The following NCAM2 variants were observed in gnomAD, a reference collection of about 807,000 sequenced individuals.
NCAM2 encodes the protein N-CAM-2.
A neutral mutation model predicts 98.1 loss-of-function variants in NCAM2; 30 were observed. That is an observed-to-expected ratio of 0.31 (90% CI 0.23 to 0.41). NCAM2 has a LOEUF of 0.41. Ranked by LOEUF, NCAM2 falls within the 10% of genes least tolerant of loss-of-function variation. The pLI is 1.00. For synonymous variants in NCAM2, 368 were observed against 342.4 expected (o/e 1.07, Z -0.83); for missense variants, 867 against 1,005.8 (o/e 0.86, Z 1.87).
intron 11 of NCAM2, among the ~76,000 whole-genome samples, chr21:21,423,362 T>C (rs1343933236): frequency 6.6e-6 from 1 of 152,190 alleles, no homozygotes; most frequent in African/African-American, 2.4e-5. Flanking sequence ...ACCCAGCACA[T>C]GACAAGTACT....
At chr21:21,323,126 G>A (rs963786068) in intron 5 of NCAM2, among the ~76,000 whole-genome samples, 4 of 152,026 alleles carry the variant, frequency 2.6e-5, no homozygotes, top group African/African-American at 9.7e-5. Context: ...ATAATGATAG[G>A]TAAAACATGC....
At chr21:21,330,136 TCTC>T (rs780652845) in intron 6 of NCAM2, among the ~76,000 whole-genome samples, 26 of 152,092 alleles carry the variant, frequency 1.7e-4, no homozygotes, top group Admixed American at 6.6e-5. Flanking sequence ...TGTTTCCTAT[TCTC>T]CATTTCATTA....
intron 1 of NCAM2, among the ~76,000 whole-genome samples, chr21:21,204,023 C>T (rs2069341426): frequency 6.6e-6 from 1 of 152,138 alleles, no homozygotes; most frequent in South Asian, 2.1e-4. Flanking sequence ...CCGTAGTTAA[C>T]ACTGGAAGTT....
chr21:21,209,278 C>A (rs184032123), intron 1 of NCAM2, among the ~76,000 whole-genome samples: 3 of 152,108 alleles, frequency 2.0e-5, no homozygotes, highest in Non-Finnish European at 4.4e-5. Flanking sequence ...TGCAGTGGCA[C>A]GATCACAGCT....
chr21:21,508,738 T>C, intron 15 of NCAM2, 113 bp from the exon 16 acceptor site: 1 of 836,328 alleles, frequency 1.2e-6, no homozygotes, highest in African/African-American at 1.7e-5. Context: ...TAAATTGAAT[T>C]ATTGGAAAAG....
Position 21,263,499 on chromosome 21 carries a change from T to A in NCAM2, c.56-17079T>A, listed in dbSNP as rs1453322190. ...AATTACCACCCAATTGTTCAAAAAA[T>A]TTTTTAAAAATCTAAAATTCATAAT... is the stretch of plus-strand genomic sequence containing the variant. On this transcript the variant is annotated intron_variant, in intron 1 of 17. Coordinates refer to ENST00000400546, the MANE Select transcript of NCAM2 (RefSeq NM_004540.5). 4.0e-5 allele frequency among the ~76,000 whole-genome samples: 6 copies of A among 151,884 alleles called. No individual in the cohort carries two copies. In the East Asian group the frequency reaches 5.8e-4, roughly 15 times the overall value.
rs780975783 is a variant in NCAM2, at chr21:21,418,457, A to G, written c.1384-16A>G. ...ATGTTTTAGAATTGTAACATTTGTT[A>G]TTATAATTATTTCAGATTGCACCTA... On this transcript the variant is annotated splice_polypyrimidine_tract_variant and intron_variant, in intron 10 of 17. Coordinates refer to ENST00000400546, the MANE Select transcript of NCAM2 (RefSeq NM_004540.5). The G allele has an allele frequency of 3.3e-5, 52 of 1,559,100 alleles. No individual in the cohort carries two copies. Among genetic ancestry groups the G allele is most frequent in the Non-Finnish European group, 4.4e-5 (50 of 1,131,400 alleles).
chr21:21,513,618 G>A (rs762486682), intron 16 of NCAM2, among the ~76,000 whole-genome samples: 4 of 152,038 alleles, frequency 2.6e-5, no homozygotes, highest in African/African-American at 7.2e-5. Flanking sequence ...CCTAACATAC[G>A]ATCTATTCTT....
chr21:21,337,773 ATTG>A (rs2074913865), intron 7 of NCAM2, among the ~76,000 whole-genome samples: 2 of 152,060 alleles, frequency 1.3e-5, no homozygotes, highest in South Asian at 4.2e-4. Context: ...TGTCTAGTAT[ATTG>A]TTAAGTAAAC....
At position 20,998,496 on chromosome 21, in the gene NCAM2, C is replaced by T; in HGVS notation, c.-68C>T. On this transcript the variant is annotated 5_prime_UTR_variant, in exon 1 of 18. Transcript: ENST00000400546. ...GCTCTAGCAGAGGCGGCCGGGGCAG[C>T]GAAAGGTTCTCTCTCCAGGGCTGGA... The T allele has an allele frequency of 1.3e-6, 2 of 1,523,990 alleles. No homozygotes were observed. The highest frequency in any genetic ancestry group is 4.7e-5 in the East Asian group (2 of 42,838). 94.4% of individuals were successfully genotyped at this position (1,523,990 alleles called of 1,614,324 possible). A position where few individuals can be genotyped will look rare whatever the true frequency, so the allele number is the denominator to read the frequency against.
At chr21:21,217,918 G>A (rs1438263013) in intron 1 of NCAM2, among the ~76,000 whole-genome samples, 1 of 152,158 alleles carries the variant, frequency 6.6e-6, no homozygotes, top group African/African-American at 2.4e-5. Context: ...AAAGCTGGTA[G>A]GAAAATGGAA....
rs201880891 is a variant in NCAM2, at chr21:21,248,239, T to TA, written c.56-32330dup. ...TGCTTAATTCTTCTCAGAGCTTATT[T>TA]AAAAAAAAACATACAGTTATATAAA... On this transcript the variant is annotated intron_variant, in intron 1 of 17. Coordinates refer to ENST00000400546, the MANE Select transcript of NCAM2 (RefSeq NM_004540.5). 2.9e-3 allele frequency among the ~76,000 whole-genome samples: 443 copies of TA among 151,506 alleles called. 3 individuals are homozygous for TA. Among genetic ancestry groups the TA allele is most frequent in the African/African-American group, 9.8e-3 (407 of 41,320 alleles).
rs2146444742 is a variant in NCAM2, at chr21:21,540,227, T to C, written c.*2270T>C. 6.6e-6 allele frequency: 1 copy of C among 151,242 alleles called. No individual in the cohort carries two copies. The highest frequency in any genetic ancestry group is 1.5e-5 in the Non-Finnish European group (1 of 67,816). 9.4% of individuals were successfully genotyped at this position (151,242 alleles called of 1,614,324 possible). A position where few individuals can be genotyped will look rare whatever the true frequency, so the allele number is the denominator to read the frequency against. On this transcript the variant is annotated 3_prime_UTR_variant, in exon 18 of 18. Coordinates refer to ENST00000400546, the MANE Select transcript of NCAM2 (RefSeq NM_004540.5). The stretch of plus-strand genomic sequence containing the variant: ...CTGTTTCTCTCATTTATTCGGATTT[T>C]CCTTGTAAAGAAATTGACATATATT...
intron 12 of NCAM2, among the ~76,000 whole-genome samples, chr21:21,435,855 G>T (rs1213065076): frequency 3.9e-5 from 6 of 152,024 alleles, no homozygotes; most frequent in Admixed American, 3.3e-4. Context: ...TCATGTTTTG[G>T]GGAAAACCAA....
At chr21:21,169,595 A>G (rs1436277747) in intron 1 of NCAM2, among the ~76,000 whole-genome samples, 1 of 152,180 alleles carries the variant, frequency 6.6e-6, no homozygotes, top group Non-Finnish European at 1.5e-5. Context: ...ATTCAACAAT[A>G]AGAAAATCAA....
At chr21:21,156,619 A>ATAG (rs2067622169) in intron 1 of NCAM2, among the ~76,000 whole-genome samples, 1 of 114,744 alleles carries the variant, frequency 8.7e-6, no homozygotes, top group Non-Finnish European at 2.0e-5. Context: ...TAGATAGATA[A>ATAG]TTGTAGATAT....
At chr21:21,332,714 C>CT (rs559091322) in intron 6 of NCAM2, among the ~76,000 whole-genome samples, 117 of 152,304 alleles carry the variant, frequency 7.7e-4, no homozygotes, top group African/African-American at 2.7e-3. Context: ...ACTGCACACT[C>CT]TGTCTTCCAA....
At chr21:21,033,134 A>G (rs749879497) in intron 1 of NCAM2, among the ~76,000 whole-genome samples, 2 of 152,010 alleles carry the variant, frequency 1.3e-5, no homozygotes, top group Non-Finnish European at 2.9e-5. Context: ...TGTTTTTAGT[A>G]GAGACGGGGT....
intron 12 of NCAM2, among the ~76,000 whole-genome samples, chr21:21,436,739 G>A (rs1978383124): frequency 6.7e-6 from 1 of 150,232 alleles, no homozygotes; most frequent in South Asian, 2.1e-4. Context: ...CTTCCAATAA[G>A]TATGTGTCTA....
Sources: gnomAD v4.1 joint callset for allele counts (sites outside exome capture counted in the v4.1 genomes callset) on GRCh38, gnomAD v4.1.1 for gene constraint, MANE v1.5 for transcripts, NCBI Gene and HGNC (gene_info 2026-07-23, HGNC 2026-07-21) for gene names.